Variants in AOAH observed in about 807,000 individuals in gnomAD.
AOAH encodes acyloxyacyl hydrolase.
A neutral mutation model predicts 92.2 loss-of-function variants in AOAH; 64 were observed. The observed-to-expected ratio is 0.69, with a 90% CI of 0.57 to 0.86. AOAH has a LOEUF of 0.86. Ranked by LOEUF, AOAH falls within the 40% of genes least tolerant of loss-of-function variation. The probability of loss-of-function intolerance (pLI) is 0.00; values close to 1 mark genes in which losing one functional copy is unlikely to be tolerated. For synonymous variants in AOAH, 263 were observed against 254.5 expected, an observed-to-expected ratio of 1.03 and a Z score of -0.32; for missense variants, 656 against 694.6, an observed-to-expected ratio of 0.94 and a Z score of 0.62.
At chr7:36,699,265 A>G (rs1246157225) in intron 1 of AOAH, among the ~76,000 whole-genome samples, 1 of 152,134 alleles carries the variant, frequency 6.6e-6, no homozygotes, top group Non-Finnish European at 1.5e-5. Flanking sequence ...TGCAGTAAAC[A>G]TGGGAGTTCA....
At chr7:36,610,126 CT>C (rs68170280) in intron 11 of AOAH, among the ~76,000 whole-genome samples, 304 of 89,416 alleles carry the variant, frequency 3.4e-3, no homozygotes, top group African/African-American at 0.012. Flanking sequence ...TTTCTTTTTT[CT>C]TTTTTTTTTT....
chr7:36,714,188 G>T (rs377491078), intron 1 of AOAH, among the ~76,000 whole-genome samples: 1 of 152,028 alleles, frequency 6.6e-6, no homozygotes, highest in Non-Finnish European at 1.5e-5. Context: ...ATCAGAGAAT[G>T]CTATAAACAC....
intron 11 of AOAH, among the ~76,000 whole-genome samples, chr7:36,607,970 C>T (rs1257331753): frequency 6.6e-6 from 1 of 152,212 alleles, no homozygotes; most frequent in Non-Finnish European, 1.5e-5. Flanking sequence ...CCACTAGTCA[C>T]TTAAGTTTGC....
intron 6 of AOAH, among the ~76,000 whole-genome samples, chr7:36,629,455 A>G (rs1355365116): frequency 6.6e-6 from 1 of 152,080 alleles, no homozygotes; most frequent in Non-Finnish European, 1.5e-5. Context: ...AGGCATGATG[A>G]CATGATTGGG....
chr7:36,588,438 C>T lies in AOAH; in HGVS notation c.938+5901G>A, dbSNP rs556638047. Among the ~76,000 whole-genome samples, 6 of 152,356 alleles carry T rather than the reference C, an allele frequency of 3.9e-5. No individual in the cohort carries two copies. The East Asian group carries it at 1.2e-3, about 29-fold the overall frequency. On this transcript the variant is annotated intron_variant, in intron 12 of 20. Coordinates refer to ENST00000617537, the MANE Select transcript of AOAH (RefSeq NM_001637.4). ...CACTCCAATCAGCCTCACCCAACTT[C>T]AGAGGACCACCTCTCTGGTTAATTA...
chr7:36,578,738 T>A (rs1263099656), intron 12 of AOAH, among the ~76,000 whole-genome samples: 1 of 152,240 alleles, frequency 6.6e-6, no homozygotes. Context: ...TCTTTCTAAC[T>A]TTTTTATTTC....
chr7:36,655,052 A>G (rs542631485), intron 4 of AOAH, among the ~76,000 whole-genome samples: 1 of 152,316 alleles, frequency 6.6e-6, no homozygotes, highest in South Asian at 2.1e-4. Flanking sequence ...CCATATACCA[A>G]GTAAGTATGT....
intron 15 of AOAH, among the ~76,000 whole-genome samples, chr7:36,541,693 C>G (rs12535111): frequency 6.8e-4 from 103 of 152,326 alleles, no homozygotes; most frequent in Middle Eastern, 3.4e-3. Context: ...ACCCCCATAT[C>G]TAAAATACAA....
intron 2 of AOAH, among the ~76,000 whole-genome samples, chr7:36,675,657 A>C (rs1796207652): frequency 6.6e-6 from 1 of 152,212 alleles, no homozygotes; most frequent in South Asian, 2.1e-4. Context: ...TTATGAGGTT[A>C]ATATTACCCT....
intron 2 of AOAH, 50 bp downstream of exon 2, chr7:36,686,649 G>T: frequency 9.0e-7 from 1 of 1,111,592 alleles, no homozygotes; most frequent in Non-Finnish European, 1.2e-6. Context: ...CATGACTCAT[G>T]AGTGAGAGGA....
At chr7:36,702,853 A>T (rs1444965818) in intron 1 of AOAH, among the ~76,000 whole-genome samples, 2 of 152,156 alleles carry the variant, frequency 1.3e-5, no homozygotes, top group African/African-American at 4.8e-5. Flanking sequence ...CCTTTCATGG[A>T]AGATTTCTCT....
intron 4 of AOAH, among the ~76,000 whole-genome samples, chr7:36,655,152 A>G (rs1045670505): frequency 6.6e-6 from 1 of 152,224 alleles, no homozygotes; most frequent in Non-Finnish European, 1.5e-5. Flanking sequence ...GAAATCTACG[A>G]AACTAGAAAC....
At chr7:36,518,311 G>A (rs780541717) in intron 20 of AOAH, among the ~76,000 whole-genome samples, 4 of 152,056 alleles carry the variant, frequency 2.6e-5, no homozygotes, top group Non-Finnish European at 5.9e-5. Flanking sequence ...CCAAGTTCAA[G>A]CAATTCTCCT....
At chr7:36,532,461 G>T (rs1784754474) in intron 16 of AOAH, 117 bp from the exon 17 acceptor site, 1 of 914,952 alleles carries the variant, frequency 1.1e-6, no homozygotes, top group Admixed American at 1.9e-5. Context: ...GTGTTCCCCT[G>T]ATTTTTCATG....
At chr7:36,589,771 A>T (rs1331414070) in intron 12 of AOAH, among the ~76,000 whole-genome samples, 1 of 152,214 alleles carries the variant, frequency 6.6e-6, no homozygotes, top group African/African-American at 2.4e-5. Flanking sequence ...TGATGCTTTC[A>T]AATGAGAAGT....
chr7:36,607,326 C>T (rs552852887), intron 11 of AOAH, among the ~76,000 whole-genome samples: 8 of 152,278 alleles, frequency 5.3e-5, no homozygotes, highest in South Asian at 2.1e-4. Context: ...CCAGACAATA[C>T]GATCAGGTCC....
chr7:36,653,915 G>T (rs991310979), intron 4 of AOAH, among the ~76,000 whole-genome samples: 12 of 152,150 alleles, frequency 7.9e-5, no homozygotes, highest in African/African-American at 2.9e-4. Flanking sequence ...GAGGCTCCAG[G>T]ATGCTTCTGG....
At chr7:36,716,068 C>T (rs910268058) in intron 1 of AOAH, among the ~76,000 whole-genome samples, 1 of 152,060 alleles carries the variant, frequency 6.6e-6, no homozygotes, top group African/African-American at 2.4e-5. Context: ...ATTTTTGCAA[C>T]CTACTCATCT....
chr7:36,635,937 A>G (rs1314708285), intron 5 of AOAH, among the ~76,000 whole-genome samples: 1 of 152,184 alleles, frequency 6.6e-6, no homozygotes, highest in African/African-American at 2.4e-5. Flanking sequence ...AATCCATGAA[A>G]TGTTCCCTCT....
Sources: allele counts gnomAD v4.1 joint callset (sites outside exome capture counted in the v4.1 genomes callset), GRCh38; gene constraint gnomAD v4.1.1; transcripts MANE v1.5; gene names NCBI Gene and HGNC (gene_info 2026-07-23, HGNC 2026-07-21).